The following RUNX1T1 variants were observed in gnomAD, a reference collection of about 807,000 sequenced individuals.
The protein encoded by RUNX1T1 is RUNX1 partner transcriptional co-repressor 1.
Under a neutral mutation model 62.8 loss-of-function variants are expected in RUNX1T1, and 4 were observed. That is an observed-to-expected ratio of 0.06 (90% CI 0.03 to 0.15). RUNX1T1 has a LOEUF of 0.15. RUNX1T1 is among the 10% of genes least tolerant of loss of function. The pLI, the probability that RUNX1T1 is intolerant of heterozygous loss-of-function variation, is 1.00. For synonymous variants in RUNX1T1, 291 were observed against 286.0 expected, an observed-to-expected ratio of 1.02 and a Z score of -0.18; for missense variants, 508 against 754.3, an observed-to-expected ratio of 0.67 and a Z score of 3.82.
intron 1 of RUNX1T1, among the ~76,000 whole-genome samples, chr8:92,048,446 A>C (rs2130319576): frequency 6.6e-6 from 1 of 152,248 alleles, no homozygotes; most frequent in Non-Finnish European, 1.5e-5. Context: ...TGAGAACCCA[A>C]GGCAGGAGGA....
At chr8:92,064,291 T>C (rs115078874), upstream of RUNX1T1, among the ~76,000 whole-genome samples, 395 of 152,336 alleles carry the variant, frequency 2.6e-3, no homozygotes, top group African/African-American at 9.1e-3. Flanking sequence ...AAATCCATCA[T>C]TGTCAGAGAC....
chr8:91,962,278 A>G (rs538291066), intron 10 of RUNX1T1, among the ~76,000 whole-genome samples: 3 of 152,224 alleles, frequency 2.0e-5, no homozygotes, highest in African/African-American at 4.8e-5. Flanking sequence ...CAGAAATAAA[A>G]AAGAAATTAC....
chr8:92,041,780 ATTTAT>A (rs1385945304), intron 1 of RUNX1T1, among the ~76,000 whole-genome samples: 3 of 150,956 alleles, frequency 2.0e-5, no homozygotes, highest in South Asian at 2.1e-4. Context: ...CTTTGGGCTT[ATTTAT>A]TTTATTTTTT....
intron 1 of RUNX1T1, among the ~76,000 whole-genome samples, chr8:92,029,299 C>A (rs1825810740): frequency 6.6e-6 from 1 of 151,930 alleles, no homozygotes; most frequent in Non-Finnish European, 1.5e-5. Flanking sequence ...TCTGAGAGCA[C>A]AGTATGAATA....
intron 9 of RUNX1T1, among the ~76,000 whole-genome samples, chr8:91,974,412 T>C (rs893671937): frequency 6.6e-6 from 1 of 152,146 alleles, no homozygotes; most frequent in Non-Finnish European, 1.5e-5. Flanking sequence ...AAGACCTTAC[T>C]GGTAATTTTT....
exon 3 of RUNX1T1, chr8:92,014,800 A>T: frequency 1.2e-6 from 2 of 1,611,704 alleles, no homozygotes; most frequent in Non-Finnish European, 1.7e-6. Context: ...GCTGTAGGAG[A>T]ATGGCTCGTG....
Position 92,034,797 on chromosome 8 carries a change from T to TACACACACAC in RUNX1T1, c.8-17444_8-17435dup, listed in dbSNP as rs200718439. 5.2e-3 allele frequency among the ~76,000 whole-genome samples: 505 copies of TACACACACAC among 96,840 alleles called. 10 individuals are homozygous for TACACACACAC. The highest frequency in any genetic ancestry group is 0.011 in the Middle Eastern group (2 of 178). 63.5% of individuals were successfully genotyped at this position (96,840 alleles called of 152,430 possible). On this transcript the variant is annotated intron_variant, in intron 1 of 10. Coordinates refer to ENST00000396218, the Ensembl canonical transcript of RUNX1T1. ...ATATACACATATATATATACATATA[T>TACACACACAC]ACACACACACACACACACACACACA...
intron 1 of RUNX1T1, among the ~76,000 whole-genome samples, chr8:92,084,817 G>A (rs996772599): frequency 2.0e-5 from 3 of 151,624 alleles, no homozygotes; most frequent in African/African-American, 7.3e-5. Context: ...AGAGAGAGAG[G>A]TCCAGGAAAG....
chr8:91,963,621 A>G (rs1392814793), intron 10 of RUNX1T1, among the ~76,000 whole-genome samples: 1 of 152,206 alleles, frequency 6.6e-6, no homozygotes, highest in Non-Finnish European at 1.5e-5. Flanking sequence ...AAGGTGCAGA[A>G]TCTTTTGAGT....
chr8:92,096,772 A>G (rs920136573), intron 1 of RUNX1T1, among the ~76,000 whole-genome samples: 1 of 152,146 alleles, frequency 6.6e-6, no homozygotes, highest in African/African-American at 2.4e-5. Context: ...TCTCCCTAGA[A>G]AGGAATAAAA....
chr8:92,044,783 G>A (rs996113637), intron 1 of RUNX1T1, among the ~76,000 whole-genome samples: 2 of 152,130 alleles, frequency 1.3e-5, no homozygotes, highest in African/African-American at 4.8e-5. Context: ...TAAAAGGAGG[G>A]AAGATGAGAA....
chr8:92,002,357 A>T (rs1157183192), intron 5 of RUNX1T1, among the ~76,000 whole-genome samples: 1 of 152,090 alleles, frequency 6.6e-6, no homozygotes, highest in Non-Finnish European at 1.5e-5. Flanking sequence ...AACAAAAAAC[A>T]ATTTCATAGA....
At chr8:92,080,001 T>A (rs1835000663) in intron 1 of RUNX1T1, among the ~76,000 whole-genome samples, 1 of 152,074 alleles carries the variant, frequency 6.6e-6, no homozygotes, top group Non-Finnish European at 1.5e-5. Flanking sequence ...TGCATCATTC[T>A]AACATTGTTT....
intron 5 of RUNX1T1, among the ~76,000 whole-genome samples, chr8:91,995,390 A>G (rs963835266): frequency 1.3e-5 from 2 of 152,160 alleles, no homozygotes; most frequent in Non-Finnish European, 2.9e-5. Flanking sequence ...TCTCACTTCA[A>G]TCAGGTCTTA....
chr8:92,091,130 C>A (rs1836937010), intron 1 of RUNX1T1, among the ~76,000 whole-genome samples: 2 of 152,130 alleles, frequency 1.3e-5, no homozygotes, highest in Non-Finnish European at 2.9e-5. Flanking sequence ...GCTGGAGACA[C>A]AACGGGAAAA....
intron 1 of RUNX1T1, among the ~76,000 whole-genome samples, chr8:92,030,260 C>T (rs1825979427): frequency 6.6e-6 from 1 of 152,148 alleles, no homozygotes; most frequent in African/African-American, 2.4e-5. Context: ...CTTACCACAA[C>T]TGTTGTATAT....
At chr8:92,060,494 G>A (rs1831744180) in intron 1 of RUNX1T1, among the ~76,000 whole-genome samples, 1 of 137,606 alleles carries the variant, frequency 7.3e-6, no homozygotes, top group African/African-American at 2.7e-5. Context: ...GAGACAACCA[G>A]GAATTAGTTC....
Position 92,005,394 on chromosome 8 carries a change from T to C in RUNX1T1, c.478-97A>G, listed in dbSNP as rs942660725. The stretch of plus-strand genomic sequence containing the variant: ...TCGAACACTGGAGAAGAGTATGCAA[T>C]GCAGCTACATCAAAGGTCAAATGCA... On this transcript the variant is annotated intron_variant, in intron 4 of 10. Transcript: ENST00000396218. 4.8e-6 allele frequency: 5 copies of C among 1,049,144 alleles called. No homozygotes were observed. The South Asian group carries it at 6.1e-5, about 13-fold the overall frequency. 65.0% of individuals were successfully genotyped at this position (1,049,144 alleles called of 1,614,324 possible).
At chr8:92,005,999 C>G (rs1820695834) in intron 4 of RUNX1T1, 1 of 152,004 alleles carries the variant, frequency 6.6e-6, no homozygotes, top group South Asian at 2.1e-4. Flanking sequence ...CACACACACA[C>G]ACACACACAC....
Sources: gnomAD v4.1 joint callset for allele counts (sites outside exome capture counted in the v4.1 genomes callset) on GRCh38, gnomAD v4.1.1 for gene constraint, MANE v1.5 for transcripts, NCBI Gene and HGNC (gene_info 2026-07-23, HGNC 2026-07-21) for gene names.